POLR2H: variants seen among roughly 807,000 people sequenced by gnomAD.
POLR2H encodes DNA-directed RNA polymerases I, II, and III subunit RPABC3.
Under a neutral mutation model 18.1 loss-of-function variants are expected in POLR2H, and 3 were observed. The observed-to-expected ratio is 0.17, with a 90% CI of 0.08 to 0.43. The LOEUF is 0.43. Among genes scored for constraint, POLR2H ranks in the 20% least tolerant of loss-of-function variants. POLR2H has a pLI of 0.99. For synonymous variants in POLR2H, 76 were observed against 69.0 expected, an observed-to-expected ratio of 1.10 and a Z score of -0.50; for missense variants, 103 against 184.6, an observed-to-expected ratio of 0.56 and a Z score of 2.56.
chr3:184,366,708 G>A lies in POLR2H; in HGVS notation c.252-9G>A. The A allele has an allele frequency of 6.6e-7, 1 of 1,525,786 alleles. No individual in the cohort carries two copies. Among genetic ancestry groups the A allele is most frequent in the Non-Finnish European group, 9.1e-7 (1 of 1,099,780 alleles). The allele number at this position is 1,525,786 out of a possible 1,614,324, so 94.5% of individuals were successfully genotyped here. On this transcript the variant is annotated splice_polypyrimidine_tract_variant and intron_variant, in intron 4 of 5. Transcript: ENST00000456318. ...TGTTAAGAATAACTTTGCTGCTATTGCTCCATAGGGCTGACCAGTTTGAGT... is the reference window on the plus strand; with the variant it reads ...TGTTAAGAATAACTTTGCTGCTATTACTCCATAGGGCTGACCAGTTTGAGT...
chr3:184,367,219 AT>A (rs2108608530), intron 5 of POLR2H, among the ~76,000 whole-genome samples: 1 of 150,288 alleles, frequency 6.7e-6, no homozygotes, highest in African/African-American at 2.5e-5. Context: ...CTGTCCAGCT[AT>A]TTTTTCTTTT....
intron 5 of POLR2H, 179 bp from the exon 6 acceptor site, chr3:184,367,998 T>C (rs1713624282): frequency 1.2e-6 from 1 of 867,132 alleles, no homozygotes; most frequent in Non-Finnish European, 1.7e-6. Context: ...AGATGCCTCT[T>C]CTGTTTCTTA....
chr3:184,364,679 T>C, intron 2 of POLR2H: 2 of 488,874 alleles, frequency 4.1e-6, no homozygotes. Flanking sequence ...GAGAAAACCT[T>C]TGGATGATTG....
In POLR2H at chr3:184,368,028, C is replaced by T. The variant is rs1397892402; in HGVS notation, c.336-149C>T. 30 of 1,104,860 alleles carry T rather than the reference C, an allele frequency of 2.7e-5. 3 individuals carry two copies. The highest frequency in any genetic ancestry group is 1.0e-4 in the Admixed American group (5 of 48,262). 68.4% of individuals were successfully genotyped at this position (1,104,860 alleles called of 1,614,324 possible). A position where few individuals can be genotyped will look rare whatever the true frequency, so the allele number is the denominator to read the frequency against. Reference sequence around the variant, plus strand: ...TTCTTAGGCTGAGATGGAACAGTGCCTTGCACATACCTGTGCATTGATCTT... The same window carrying T: ...TTCTTAGGCTGAGATGGAACAGTGCTTTGCACATACCTGTGCATTGATCTT... On this transcript the variant is annotated intron_variant, in intron 5 of 5. Coordinates refer to ENST00000456318, the MANE Select transcript of POLR2H (RefSeq NM_006232.5).
In POLR2H at chr3:184,368,251, T is replaced by G; in HGVS notation, c.410T>G (p.Val137Gly). ...GDANNLHGFE[V>G]DSRVYLLMKK... ...GCCAACAACCTGCATGGATTCGAGG[T>G]GGACTCCAGAGTTTATCTCCTGATG... Residue 137 changes from valine (V) to glycine (G), a missense_variant, in exon 6 of 6, where the codon GTG (valine) becomes GGG (glycine). Transcript: ENST00000456318. 6.2e-7 allele frequency: 1 copy of G among 1,612,662 alleles called. No homozygotes were observed. Among genetic ancestry groups the G allele is most frequent in the Non-Finnish European group, 8.5e-7 (1 of 1,179,044 alleles).
Position 184,366,759 on chromosome 3 carries a change from G to A in POLR2H, c.294G>A (p.Arg98=). 1.9e-6 allele frequency: 3 copies of A among 1,608,206 alleles called. No homozygotes were observed. The highest frequency in any genetic ancestry group is 2.6e-6 in the Non-Finnish European group (3 of 1,174,564). The change falls in exon 5 of 6, where the codon AGG becomes AGA. Residue 98 remains arginine (R), a synonymous_variant. Transcript: ENST00000456318. ...FEYVMYGKVY[R]IEGDETSTEA... ...ATGTAATGTATGGAAAAGTGTACAG[G>A]ATTGAGGGAGATGAAACTTCTACTG...
At chr3:184,365,555 C>T (rs1266289045) in intron 4 of POLR2H, 2 of 303,396 alleles carry the variant, frequency 6.6e-6, no homozygotes, top group East Asian at 1.5e-4. Flanking sequence ...CCTGTAGTCC[C>T]AGCTGCCTGG....
At chr3:184,366,550 G>A (rs1164836157) in intron 4 of POLR2H, 167 bp from the exon 5 acceptor site, 2 of 479,302 alleles carry the variant, frequency 4.2e-6, no homozygotes, top group Non-Finnish European at 7.7e-6. Context: ...GTGTTAGCCA[G>A]GATGGTCTCG....
In POLR2H at chr3:184,363,227, G is replaced by A. The variant is rs1021206602; in HGVS notation, c.-266G>A. 1.5e-5 allele frequency: 8 copies of A among 535,106 alleles called. No homozygotes were observed. Among genetic ancestry groups the A allele is most frequent in the East Asian group, 1.4e-4 (4 of 29,358 alleles). 33.1% of individuals were successfully genotyped at this position (535,106 alleles called of 1,614,324 possible). On this transcript the variant is annotated 5_prime_UTR_variant, in exon 2 of 6. Coordinates refer to ENST00000456318, the MANE Select transcript of POLR2H (RefSeq NM_006232.5). Reference sequence around the variant, plus strand: ...CTATTGCTTCCCCGCCCTGGGCAGAGCCACCTGGACATGAGACCCGCCCTC... The same window carrying A: ...CTATTGCTTCCCCGCCCTGGGCAGAACCACCTGGACATGAGACCCGCCCTC...
chr3:184,364,292 C>T (rs1412780594), intron 2 of POLR2H, among the ~76,000 whole-genome samples: 4 of 151,666 alleles, frequency 2.6e-5, no homozygotes, highest in Non-Finnish European at 5.9e-5. Context: ...TGTAGTGGCA[C>T]GATTTTAGCT....
Position 184,368,333 on chromosome 3 carries a change from G to A in POLR2H, c.*39G>A, listed in dbSNP as rs1193874321. The A allele has an allele frequency of 1.3e-6, 2 of 1,528,800 alleles. No homozygotes were observed. The highest frequency in any genetic ancestry group is 2.3e-5 in the East Asian group (1 of 44,086). The allele number at this position is 1,528,800 out of a possible 1,614,324, so 94.7% of individuals were successfully genotyped here. On this transcript the variant is annotated 3_prime_UTR_variant, in exon 6 of 6. Transcript: ENST00000456318. ...CCAGCCTCTCTGCCAAGTCACTCAG[G>A]TCATGGGCATTGTTCAAGCCTGAGT...
At position 184,365,271 on chromosome 3, in the gene POLR2H, T is replaced by C. The variant is rs144665414; in HGVS notation, c.251+45T>C. ...AATACTTGAAATATGCCTTGAGGAC[T>C]AAGTAGATAAGTGATATAGAAAGAC... On this transcript the variant is annotated intron_variant, in intron 4 of 5. Transcript: ENST00000456318. 2,893 of 1,053,542 alleles carry C rather than the reference T, an allele frequency of 2.7e-3. 5 individuals are homozygous for C. Among genetic ancestry groups the C allele is most frequent in the Middle Eastern group, 3.8e-3 (19 of 4,948 alleles). The allele number at this position is 1,053,542 out of a possible 1,614,324, so 65.3% of individuals were successfully genotyped here. A position where few individuals can be genotyped will look rare whatever the true frequency, so the allele number is the denominator to read the frequency against.
chr3:184,364,932 A>G (rs775251616), intron 2 of POLR2H, 34 bp from the exon 3 acceptor site: 29 of 1,456,690 alleles, frequency 2.0e-5, no homozygotes, highest in Non-Finnish European at 2.7e-5. Flanking sequence ...TGCCTTGGCA[A>G]TACCTCTGTC....
rs1234674745 is a variant in POLR2H, at chr3:184,363,500, G to C, written c.8G>C (p.Gly3Ala). 1 of 1,613,800 alleles carries C rather than the reference G, an allele frequency of 6.2e-7. No individual in the cohort carries two copies. Among genetic ancestry groups the C allele is most frequent in the Non-Finnish European group, 8.5e-7 (1 of 1,179,848 alleles). MA[G>A]ILFEDIFDVK... Reference sequence around the variant, plus strand: ...TCTCGTGGCCCCCTCGCGATGGCGGGCATCCTGTTTGAGGATATTTTCGAT... The same window carrying C: ...TCTCGTGGCCCCCTCGCGATGGCGGCCATCCTGTTTGAGGATATTTTCGAT... The change falls in exon 2 of 6, where the codon GGC (glycine) becomes GCC (alanine). Residue 3 changes from glycine to alanine, a missense_variant. Gly to Ala is a moderately conservative substitution (Grantham distance 60). Coordinates refer to ENST00000456318, the MANE Select transcript of POLR2H (RefSeq NM_006232.5).
chr3:184,363,647 T>G, intron 2 of POLR2H, 82 bp downstream of exon 2: 2 of 1,074,914 alleles, frequency 1.9e-6, no homozygotes, highest in South Asian at 1.3e-5. Flanking sequence ...CACCCAGCTC[T>G]TGTGGCCTGC....
At position 184,362,099 on chromosome 3, in the gene POLR2H, G is replaced by C. The variant is rs550535351; in HGVS notation, c.-668G>C. The stretch of plus-strand genomic sequence containing the variant: ...AAGCAAAGCTGGAAGGATTCGGAGA[G>C]GGTTGGGGCCGTCTTCCTCATCCTT... On this transcript the variant is annotated 5_prime_UTR_variant, in exon 1 of 6. Coordinates refer to ENST00000456318, the MANE Select transcript of POLR2H (RefSeq NM_006232.5). This position sits in a 1 kb window ranked among gnomAD's most constrained non-coding sequence, Gnocchi z 5.9. 6.6e-6 allele frequency: 1 copy of C among 152,484 alleles called. No homozygotes were observed. Among genetic ancestry groups the C allele is most frequent in the South Asian group, 2.1e-4 (1 of 4,834 alleles). The allele number at this position is 152,484 out of a possible 1,614,324, so 9.4% of individuals were successfully genotyped here.
At chr3:184,364,765 G>C (rs1371297383) in intron 2 of POLR2H, 1 of 577,476 alleles carries the variant, frequency 1.7e-6, no homozygotes, top group Non-Finnish European at 3.1e-6. Context: ...TGTTTTCTGG[G>C]GATTACGTTC....
rs571010212 is a variant in POLR2H, at chr3:184,363,236, A to C, written c.-257A>C. ...CCCCGCCCTGGGCAGAGCCACCTGG[A>C]CATGAGACCCGCCCTCAATGCCGAA... On this transcript the variant is annotated 5_prime_UTR_variant, in exon 2 of 6. Coordinates refer to ENST00000456318, the MANE Select transcript of POLR2H (RefSeq NM_006232.5). 1 of 549,502 alleles carries C rather than the reference A, an allele frequency of 1.8e-6. No individual in the cohort carries two copies. Among genetic ancestry groups the C allele is most frequent in the Non-Finnish European group, 3.3e-6 (1 of 302,754 alleles). The allele number at this position is 549,502 out of a possible 1,614,324, so 34.0% of individuals were successfully genotyped here.
At position 184,361,719 on chromosome 3, in the gene POLR2H, G is replaced by C. The variant is rs1712168144; in HGVS notation, c.-1048G>C. 5.0e-6 allele frequency: 1 copy of C among 201,078 alleles called. No individual in the cohort carries two copies. Among genetic ancestry groups the C allele is most frequent in the African/African-American group, 2.3e-5 (1 of 42,656 alleles). 12.5% of individuals were successfully genotyped at this position (201,078 alleles called of 1,614,324 possible). A position where few individuals can be genotyped will look rare whatever the true frequency, so the allele number is the denominator to read the frequency against. ...CTCCGCCCGCCGGCCCATCCGGAGG[G>C]GACGGCCCAGCCAGGCTGGGGTCCG... On this transcript the variant is annotated 5_prime_UTR_variant, in exon 1 of 6. Transcript: ENST00000456318. This position sits in a 1 kb window ranked among gnomAD's most constrained non-coding sequence, Gnocchi z 6.6.
Sources: allele counts gnomAD v4.1 joint callset (sites outside exome capture counted in the v4.1 genomes callset), GRCh38; gene constraint gnomAD v4.1.1; non-coding constraint Gnocchi (gnomAD v3.1); transcripts MANE v1.5; gene names NCBI Gene and HGNC (gene_info 2026-07-23, HGNC 2026-07-21).